INTS7: variants seen among roughly 807,000 people sequenced by gnomAD.
INTS7 encodes the protein chromosome 1 open reading frame 73.
In INTS7, 46 loss-of-function variants were observed where a neutral mutation model predicts 109.2. That is an observed-to-expected ratio of 0.42 (90% CI 0.33 to 0.54). INTS7 has a LOEUF of 0.54. INTS7 is among the 20% of genes least tolerant of loss of function. The pLI is 0.07. For synonymous variants in INTS7, 412 were observed against 402.9 expected (o/e 1.02, Z -0.27); for missense variants, 929 against 1,132.4 (o/e 0.82, Z 2.58).
chr1:212,020,559 A>G (rs1433432668), intron 2 of INTS7, among the ~76,000 whole-genome samples: 1 of 152,174 alleles, frequency 6.6e-6, no homozygotes, highest in East Asian at 1.9e-4. Context: ...CCAGGAAATC[A>G]GACGGTCTTT....
intron 3 of INTS7, among the ~76,000 whole-genome samples, chr1:212,018,041 T>C (rs936688694): frequency 9.9e-5 from 15 of 152,282 alleles, no homozygotes; most frequent in African/African-American, 3.4e-4. Context: ...CGGCTTAATT[T>C]TTCTCTTCCT....
chr1:211,964,619 G>C (rs1189159376), intron 16 of INTS7, among the ~76,000 whole-genome samples: 2 of 152,052 alleles, frequency 1.3e-5, no homozygotes, highest in Non-Finnish European at 2.9e-5. Flanking sequence ...TATACAAAAA[G>C]ACACACAGAC....
At position 211,968,619 on chromosome 1, in the gene INTS7, A is replaced by G. The variant is rs200964892; in HGVS notation, c.1904T>C (p.Ile635Thr). 14 of 1,613,982 alleles carry G rather than the reference A, an allele frequency of 8.7e-6. No homozygotes were observed. The highest frequency in any genetic ancestry group is 6.7e-5 in the Admixed American group (4 of 59,994). ...IDLLQAFSQLICTCNSLKTSP... is the reference protein window; with the variant it reads ...IDLLQAFSQLTCTCNSLKTSP... ...TGTCTTCAGGCTATTACAAGTACAG[A>G]TAAGTTGAGAGAAGGCTTGTAAAAG... Residue 635 changes from isoleucine (I) to threonine (T), a missense_variant, in exon 14 of 20, where the codon ATC becomes ACC. Ile to Thr is a moderately conservative substitution (Grantham distance 89). Coordinates refer to ENST00000366994, the MANE Select transcript of INTS7 (RefSeq NM_015434.4).
At position 211,941,955 on chromosome 1, in the gene INTS7, T is replaced by G. The variant is rs528643262; in HGVS notation, c.2758A>C (p.Thr920Pro). 6.2e-7 allele frequency: 1 copy of G among 1,614,198 alleles called. No individual in the cohort carries two copies. The highest frequency in any genetic ancestry group is 1.7e-5 in the Admixed American group (1 of 60,024). ...ACAAATATGGTAGTTCTGGGACCAGTCTTCCATACTATACCATTGGCATCT... is the reference window on the plus strand; with the variant it reads ...ACAAATATGGTAGTTCTGGGACCAGGCTTCCATACTATACCATTGGCATCT... The part of the protein sequence containing the change: ...VKDANGIVWK[T>P]GPRTTIFVKS... Residue 920 changes from threonine (T) to proline (P), a missense_variant, in exon 20 of 20, where the codon ACT becomes CCT. By Grantham distance (38) the Thr-to-Pro change is conservative. Around this residue, in one of 2 missense-constraint regions of INTS7, gnomAD observed 787 missense variants for 901.1 expected, o/e 0.87. Coordinates refer to ENST00000366994, the MANE Select transcript of INTS7 (RefSeq NM_015434.4).
intron 13 of INTS7, among the ~76,000 whole-genome samples, chr1:211,973,314 C>T (rs531350419): frequency 1.3e-4 from 20 of 152,304 alleles, no homozygotes; most frequent in African/African-American, 4.8e-4. Context: ...AGCCACTAAA[C>T]TTGTAGTAAT....
chr1:212,015,054 G>A (rs1359590438), intron 4 of INTS7, among the ~76,000 whole-genome samples: 4 of 151,490 alleles, frequency 2.6e-5, no homozygotes, highest in East Asian at 1.9e-4. Flanking sequence ...GGTGAGGAGC[G>A]CCTCCGCCCG....
At chr1:212,007,652 T>C (rs971613117) in intron 5 of INTS7, among the ~76,000 whole-genome samples, 12 of 152,328 alleles carry the variant, frequency 7.9e-5, no homozygotes, top group Admixed American at 7.8e-4. Context: ...AACTTTTCAA[T>C]GATTATAAAA....
intron 1 of INTS7, among the ~76,000 whole-genome samples, chr1:212,034,310 AT>A (rs1667317723): frequency 6.6e-6 from 1 of 152,156 alleles, no homozygotes. Flanking sequence ...AGAAACTCTT[AT>A]TTAGACTAAC....
intron 16 of INTS7, among the ~76,000 whole-genome samples, chr1:211,960,440 G>T (rs951872768): frequency 6.6e-6 from 1 of 152,124 alleles, no homozygotes; most frequent in Non-Finnish European, 1.5e-5. Context: ...TCCAGCAAGC[G>T]TTCTGAACTG....
At chr1:212,025,866 A>G (rs1390431305) in intron 1 of INTS7, among the ~76,000 whole-genome samples, 1 of 152,136 alleles carries the variant, frequency 6.6e-6, no homozygotes, top group Non-Finnish European at 1.5e-5. Context: ...AAAAAAAACA[A>G]CAAAGGAGGC....
chr1:212,011,560 C>T (rs1316205413), intron 4 of INTS7, 139 bp from the exon 5 acceptor site: 12 of 626,874 alleles, frequency 1.9e-5, no homozygotes, highest in Admixed American at 1.9e-4. Context: ...GTCAGGTGCT[C>T]GGGTTAGGGG....
At chr1:211,962,169 T>C (rs955986479) in intron 16 of INTS7, among the ~76,000 whole-genome samples, 7 of 126,756 alleles carry the variant, frequency 5.5e-5, no homozygotes, top group Non-Finnish European at 1.0e-4. Flanking sequence ...AATAAAGAGA[T>C]AGAGAAAAAC....
intron 16 of INTS7, among the ~76,000 whole-genome samples, 174 bp from the exon 17 acceptor site, chr1:211,952,875 T>C (rs1417137135): frequency 2.0e-5 from 3 of 152,222 alleles, no homozygotes; most frequent in African/African-American, 7.2e-5. Context: ...CCTACAGTCA[T>C]ACAGCTAGTA....
At chr1:212,031,040 A>C (rs533810205) in intron 1 of INTS7, 78 of 152,348 alleles carry the variant, frequency 5.1e-4, no homozygotes, top group African/African-American at 1.8e-3. Flanking sequence ...AAGGTTTTTC[A>C]CACAGCATTA....
chr1:212,016,009 C>A (rs1017761490), intron 4 of INTS7, among the ~76,000 whole-genome samples: 1 of 151,390 alleles, frequency 6.6e-6, no homozygotes, highest in Non-Finnish European at 1.5e-5. Flanking sequence ...TATTACATAA[C>A]CTATTATGTA....
intron 1 of INTS7, among the ~76,000 whole-genome samples, chr1:212,031,706 G>A (rs1338392735): frequency 2.0e-5 from 3 of 152,116 alleles, no homozygotes; most frequent in African/African-American, 7.2e-5. Flanking sequence ...AATATCTGTT[G>A]AGTAAATGAA....
intron 7 of INTS7, among the ~76,000 whole-genome samples, chr1:211,996,276 G>A (rs1665383104): frequency 6.6e-6 from 1 of 152,020 alleles, no homozygotes; most frequent in Admixed American, 6.6e-5. Context: ...ATAAAAATTA[G>A]CCAGGCATGG....
intron 17 of INTS7, among the ~76,000 whole-genome samples, chr1:211,951,967 G>A (rs894840238): frequency 1.3e-5 from 2 of 152,358 alleles, no homozygotes; most frequent in East Asian, 1.9e-4. Context: ...CTTAGGAAGT[G>A]CCAAAGGCAG....
intron 16 of INTS7, among the ~76,000 whole-genome samples, chr1:211,964,349 T>C (rs1362287898): frequency 6.6e-6 from 1 of 152,286 alleles, no homozygotes; most frequent in South Asian, 2.1e-4. Flanking sequence ...AAACATTCCA[T>C]GCTCATGAAT....
Sources: allele counts gnomAD v4.1 joint callset (sites outside exome capture counted in the v4.1 genomes callset), GRCh38; gene constraint gnomAD v4.1.1; regional missense constraint gnomAD v4.1.1; transcripts MANE v1.5; gene names NCBI Gene and HGNC (gene_info 2026-07-23, HGNC 2026-07-21).